Variants in STAG3 observed in about 807,000 individuals in gnomAD.
STAG3 encodes the protein cohesin subunit SA-3.
A neutral mutation model predicts 160.7 loss-of-function variants in STAG3; 101 were observed. The observed-to-expected ratio is 0.63, with a 90% confidence interval of 0.54 to 0.74. STAG3 has a LOEUF of 0.74. Ranked by LOEUF, STAG3 falls within the 30% of genes least tolerant of loss-of-function variation. The pLI is 0.00. For synonymous variants in STAG3, 519 were observed against 585.0 expected (o/e 0.89, Z 1.63); for missense variants, 1,188 against 1,517.4 (o/e 0.78, Z 3.61).
At chr7:100,195,147 C>T (rs553472205) in intron 8 of STAG3, among the ~76,000 whole-genome samples, 162 bp from the exon 9 acceptor site, 3 of 152,344 alleles carry the variant, frequency 2.0e-5, no homozygotes, top group Non-Finnish European at 4.4e-5. Context: ...TATACAGCTT[C>T]TTCCAGAATT....
In STAG3 at chr7:100,180,561, C is replaced by T. The variant is rs1354314366; in HGVS notation, c.5C>T (p.Ser2Phe). 6.2e-7 allele frequency: 1 copy of T among 1,602,042 alleles called. No individual in the cohort carries two copies. Among genetic ancestry groups the T allele is most frequent in the Middle Eastern group, 1.7e-4 (1 of 6,004 alleles). Residue 2 changes from serine (S) to phenylalanine (F), a missense_variant, in exon 2 of 34, where the codon TCT becomes TTT. Physicochemically the swap from Ser to Phe is radical, Grantham distance 155. Transcript: ENST00000615138. ...CATAGCTCCTCCTCTCCAAGCATGT[C>T]TTCCCCGTTGCAAAGAGCTGTGGGA... M[S>F]SPLQRAVGDT...
chr7:100,211,386 C>T, intron 30 of STAG3, 49 bp from the exon 31 acceptor site: 1 of 1,596,890 alleles, frequency 6.3e-7, no homozygotes, highest in Non-Finnish European at 8.6e-7. Flanking sequence ...CTTACATCCT[C>T]TTCTTACCCT....
At chr7:100,215,747 C>G (rs186864344), downstream of STAG3, among the ~76,000 whole-genome samples, 153 of 152,304 alleles carry the variant, frequency 1.0e-3, no homozygotes, top group African/African-American at 3.5e-3. Flanking sequence ...ACACCATGCT[C>G]TCTAAAGCCT....
chr7:100,200,765 T>C lies in STAG3; in HGVS notation c.1861-4T>C. Reference sequence around the variant, plus strand: ...GCACACCATCTTCTGCCTTTTCTTCTCAGCACCTGGAGCTGTTCCTGCAGC... The same window carrying C: ...GCACACCATCTTCTGCCTTTTCTTCCCAGCACCTGGAGCTGTTCCTGCAGC... On this transcript the variant is annotated splice_region_variant and splice_polypyrimidine_tract_variant and intron_variant, in intron 18 of 33. Transcript: ENST00000615138. The C allele has an allele frequency of 6.2e-7, 1 of 1,613,958 alleles. No homozygotes were observed. Among genetic ancestry groups the C allele is most frequent in the Non-Finnish European group, 8.5e-7 (1 of 1,179,942 alleles).
rs558563654 is a variant in STAG3, at chr7:100,178,980, C to T, written c.-65+975C>T. Reference sequence around the variant, plus strand: ...AGTAGCTGGGACTACAGGTGCACCACCACACCTGGCTAGTTTTTTTGGTTT... The same window carrying T: ...AGTAGCTGGGACTACAGGTGCACCATCACACCTGGCTAGTTTTTTTGGTTT... On this transcript the variant is annotated intron_variant, in intron 1 of 33. Coordinates refer to ENST00000615138, the MANE Select transcript of STAG3 (RefSeq NM_001282717.2). Among the ~76,000 whole-genome samples the T allele has an allele frequency of 1.5e-3, 224 of 151,976 alleles. 1 individual carries two copies. The highest frequency in any genetic ancestry group is 6.8e-3 in the Middle Eastern group (2 of 292).
Position 100,204,717 on chromosome 7 carries a change from G to A in STAG3, c.2893G>A (p.Ala965Thr), listed in dbSNP as rs1801469145. ...GATGAGGGACCTGGCCCGGAGGTTT[G>A]CCTTGAGTTTTGGACCCCAGCAGCT... ...IEMRDLARRF[A>T]LSFGPQQLQN... The change falls in exon 27 of 34, where the codon GCC becomes ACC. Residue 965 changes from alanine to threonine, a missense_variant. Coordinates refer to ENST00000615138, the MANE Select transcript of STAG3 (RefSeq NM_001282717.2). The A allele has an allele frequency of 2.5e-6, 4 of 1,613,984 alleles. No homozygotes were observed.
intron 18 of STAG3, 77 bp downstream of exon 18, chr7:100,200,619 C>G: frequency 2.6e-6 from 4 of 1,559,608 alleles, no homozygotes; most frequent in Non-Finnish European, 3.5e-6. Flanking sequence ...TCTTTTTTTC[C>G]TAAGAACTTG....
rs1802250532 is a variant in STAG3 at position 100,211,884 on chromosome 7, G to C, written c.3600+8G>C. 1 of 1,613,518 alleles carries C rather than the reference G, an allele frequency of 6.2e-7. No individual in the cohort carries two copies. Among genetic ancestry groups the C allele is most frequent in the South Asian group, 1.1e-5 (1 of 91,002 alleles). ...CGGCAGGATACAGACATGGTGAGTA[G>C]ACCACCCTGCCCTTCTCTCTCAAGA... On this transcript the variant is annotated splice_region_variant and intron_variant, in intron 32 of 33. Transcript: ENST00000615138.
chr7:100,202,949 C>G (rs1320646760), intron 25 of STAG3, among the ~76,000 whole-genome samples: 1 of 152,156 alleles, frequency 6.6e-6, no homozygotes. Context: ...CCCCAGTTTC[C>G]TCAACCCACC....
At chr7:100,197,577 T>G (rs1800770566) in intron 10 of STAG3, 1 of 638,896 alleles carries the variant, frequency 1.6e-6, no homozygotes, top group Non-Finnish European at 2.8e-6. Context: ...AGGATCCTTC[T>G]CATCATGAGT....
Position 100,201,094 on chromosome 7 carries a change from C to T in STAG3, c.2066C>T (p.Ser689Phe). ...TGGATCTTCTTTCCTTCTCAGTCGT[C>T]CTTCCTAGATGAGGATGAGGTATAT... ...QQELEELLQS[S>F]FLDEDEVYNL... Residue 689 changes from serine to phenylalanine, a missense_variant, in exon 20 of 34, where the codon TCC becomes TTC. Around this residue, in one of 4 missense-constraint regions of STAG3, gnomAD observed 647 missense variants for 717.2 expected, o/e 0.90. Coordinates refer to ENST00000615138, the MANE Select transcript of STAG3 (RefSeq NM_001282717.2). The T allele has an allele frequency of 1.2e-6, 2 of 1,614,174 alleles. No homozygotes were observed. The highest frequency in any genetic ancestry group is 1.7e-6 in the Non-Finnish European group (2 of 1,180,036).
chr7:100,216,324 CAT>C (rs771400161), downstream of STAG3, among the ~76,000 whole-genome samples: 3 of 150,528 alleles, frequency 2.0e-5, no homozygotes, highest in Non-Finnish European at 4.4e-5. Context: ...GTTATATAAA[CAT>C]ATACTAATTC....
At chr7:100,202,652 G>A in intron 25 of STAG3, 62 bp downstream of exon 25, 1 of 1,575,458 alleles carries the variant, frequency 6.3e-7, no homozygotes, top group South Asian at 1.1e-5. Flanking sequence ...CCATGACTTG[G>A]AAACATAATA....
rs368865113 is a variant in STAG3, at chr7:100,213,741, A to G, written c.3607A>G (p.Ser1203Gly). The G allele has an allele frequency of 1.2e-6, 2 of 1,614,114 alleles. No homozygotes were observed. Among genetic ancestry groups the G allele is most frequent in the Non-Finnish European group, 1.7e-6 (2 of 1,180,036 alleles). ...EERQDTDMQA[S>G]SYSSTSERGL... The stretch of plus-strand genomic sequence containing the variant: ...TTAACCTCATTCTCTCTAGCAAGCA[A>G]GTAGCTACTCTTCCACCAGTGAGCG... The change falls in exon 33 of 34, where the codon AGT (serine) becomes GGT (glycine). Residue 1203 changes from serine to glycine, a missense_variant. Ser to Gly is a moderately conservative substitution (Grantham distance 56). Coordinates refer to ENST00000615138, the MANE Select transcript of STAG3 (RefSeq NM_001282717.2).
intron 15 of STAG3, 28 bp downstream of exon 15, chr7:100,199,395 G>A: frequency 1.9e-6 from 3 of 1,599,852 alleles, no homozygotes; most frequent in Non-Finnish European, 2.6e-6. Flanking sequence ...CCAGGGACAG[G>A]GACCTTCCAC....
Position 100,182,151 on chromosome 7 carries a change from G to A in STAG3, c.178G>A (p.Val60Met). The change falls in exon 3 of 34, where the codon GTG becomes ATG. Residue 60 changes from valine (V) to methionine (M), a missense_variant. Around this residue, in one of 4 missense-constraint regions of STAG3, gnomAD observed 296 missense variants for 404.0 expected, o/e 0.73. Transcript: ENST00000615138. ...TDFEDSLNRN[V>M]KKRAAKRPPK... is the part of the protein sequence containing the mutation. Reference sequence around the variant, plus strand: ...CTTTGAAGACAGCTTGAATCGCAATGTGAAGAAGAGAGCAGCAAAACGACC... The same window carrying A: ...CTTTGAAGACAGCTTGAATCGCAATATGAAGAAGAGAGCAGCAAAACGACC... 2 of 1,613,440 alleles carry A rather than the reference G, an allele frequency of 1.2e-6. No homozygotes were observed. The highest frequency in any genetic ancestry group is 2.2e-5 in the East Asian group (1 of 44,876).
At chr7:100,209,459 AG>A (rs1431503709) in intron 29 of STAG3, among the ~76,000 whole-genome samples, 1 of 152,214 alleles carries the variant, frequency 6.6e-6, no homozygotes, top group African/African-American at 2.4e-5. Flanking sequence ...GAGACCAAAG[AG>A]GGTACAGGAT....
chr7:100,190,575 C>A (rs1243958327), intron 8 of STAG3, among the ~76,000 whole-genome samples: 1 of 152,042 alleles, frequency 6.6e-6, no homozygotes, highest in Non-Finnish European at 1.5e-5. Context: ...CTTCTCTGGG[C>A]TCTTGCTTAA....
At chr7:100,202,394 C>T (rs1801221401) in intron 24 of STAG3, 54 bp downstream of exon 24, 3 of 1,609,496 alleles carry the variant, frequency 1.9e-6, no homozygotes, top group Non-Finnish European at 2.5e-6. Flanking sequence ...GGGTGTAGCT[C>T]AGAAATATAG....
Sources: gnomAD v4.1 joint callset for allele counts (sites outside exome capture counted in the v4.1 genomes callset) on GRCh38, gnomAD v4.1.1 for gene constraint, gnomAD v4.1.1 regional missense constraint, MANE v1.5 for transcripts, NCBI Gene and HGNC (gene_info 2026-07-23, HGNC 2026-07-21) for gene names.